HSPA14: variants seen among roughly 807,000 people sequenced by gnomAD.
HSPA14 encodes the protein heat shock protein family A (Hsp70) member 14, also known as heat shock 70 kDa protein 14.
A neutral mutation model predicts 65.5 loss-of-function variants in HSPA14; 37 were observed. That is an observed-to-expected ratio of 0.56 (90% CI 0.43 to 0.74). The LOEUF (loss-of-function observed/expected upper bound fraction) is 0.74, where lower values mean the gene tolerates loss of function less well. Ranked by LOEUF, HSPA14 falls within the 30% of genes least tolerant of loss-of-function variation. The probability of loss-of-function intolerance (pLI) is 0.00; values close to 1 mark genes in which losing one functional copy is unlikely to be tolerated. For synonymous variants in HSPA14, 203 were observed against 214.2 expected (o/e 0.95, Z 0.46); for missense variants, 564 against 607.6 (o/e 0.93, Z 0.75).
intron 9 of HSPA14, among the ~76,000 whole-genome samples, chr10:14,855,574 G>T (rs1236590509): frequency 1.3e-5 from 2 of 152,178 alleles, no homozygotes; most frequent in African/African-American, 4.8e-5. Flanking sequence ...CCATAAGCAA[G>T]ATGGGCTTTC....
chr10:14,867,251 G>T lies in HSPA14; in HGVS notation c.1162G>T (p.Asp388Tyr). The change falls in exon 11 of 14, where the codon GAC becomes TAC. Residue 388 changes from aspartate to tyrosine, a missense_variant. Coordinates refer to ENST00000378372, the MANE Select transcript of HSPA14 (RefSeq NM_016299.4). ...LIGKENLLVE[D>Y]SLMIECSARD... ...TGGGAAAGAAAACCTGTTGGTGGAA[G>T]ACTCTCTTATGATAGAGTGTTCAGC... 6.2e-7 allele frequency: 1 copy of T among 1,613,760 alleles called. No homozygotes were observed. The highest frequency in any genetic ancestry group is 8.5e-7 in the Non-Finnish European group (1 of 1,179,748).
At chr10:14,867,549 A>T (rs536879637) in intron 11 of HSPA14, among the ~76,000 whole-genome samples, 187 bp from the exon 12 acceptor site, 2 of 152,258 alleles carry the variant, frequency 1.3e-5, no homozygotes, top group South Asian at 4.1e-4. Context: ...TCATAAGCTA[A>T]TATAGAGAGA....
Position 14,867,051 on chromosome 10 carries a change from G to C in HSPA14, c.994-32G>C, listed in dbSNP as rs765219361. 7 of 1,499,460 alleles carry C rather than the reference G, an allele frequency of 4.7e-6. No individual in the cohort carries two copies. In the Admixed American group the frequency reaches 1.2e-4, roughly 25 times the overall value. 92.9% of individuals were successfully genotyped at this position (1,499,460 alleles called of 1,614,324 possible). ...TTTGAGACACAGCATTCTTCTAAAA[G>C]TAAACAACTGAAAATTATTTTTATT... On this transcript the variant is annotated intron_variant, in intron 10 of 13. Coordinates refer to ENST00000378372, the MANE Select transcript of HSPA14 (RefSeq NM_016299.4).
chr10:14,847,106 C>T (rs978037545), intron 3 of HSPA14: 27 of 842,172 alleles, frequency 3.2e-5, no homozygotes, highest in Admixed American at 6.2e-5. Context: ...CTGCAGCCCT[C>T]GGAGCTATAT....
At chr10:14,868,929 C>T (rs949041108) in intron 12 of HSPA14, among the ~76,000 whole-genome samples, 1 of 152,128 alleles carries the variant, frequency 6.6e-6, no homozygotes, top group Non-Finnish European at 1.5e-5. Flanking sequence ...TCACTGCAAG[C>T]TCCGCCTCCC....
At chr10:14,869,232 CGTGTGTGTGTGTGT>C (rs68155495) in intron 12 of HSPA14, among the ~76,000 whole-genome samples, 3 of 144,722 alleles carry the variant, frequency 2.1e-5, no homozygotes, top group Non-Finnish European at 4.6e-5. Flanking sequence ...TGTACGTGTA[CGTGTGTGTGTGTGT>C]GTGTGTGTGT....
chr10:14,863,720 C>T (rs1832776897), intron 10 of HSPA14, among the ~76,000 whole-genome samples: 1 of 152,168 alleles, frequency 6.6e-6, no homozygotes, highest in Non-Finnish European at 1.5e-5. Flanking sequence ...CTGCCTCTCT[C>T]ACTCTTACCC....
chr10:14,866,639 G>A (rs978448204), intron 10 of HSPA14, among the ~76,000 whole-genome samples: 1 of 152,058 alleles, frequency 6.6e-6, no homozygotes, highest in African/African-American at 2.4e-5. Flanking sequence ...CCATGGTAAA[G>A]GCAAATAAGT....
rs755118207 is a variant in HSPA14 at position 14,842,908 on chromosome 10, G to A, written c.221+2751G>A. 10 of 1,170,810 alleles carry A rather than the reference G, an allele frequency of 8.5e-6. No individual in the cohort carries two copies. Among genetic ancestry groups the A allele is most frequent in the Non-Finnish European group, 1.2e-5 (10 of 847,138 alleles). 72.5% of individuals were successfully genotyped at this position (1,170,810 alleles called of 1,614,324 possible). ...GTCTTGTGGCTCTAAACATTTAGCT[G>A]TGTCTGTTTGGATAGTGTCCTCTTC... On this transcript the variant is annotated intron_variant, in intron 3 of 13. Coordinates refer to ENST00000378372, the MANE Select transcript of HSPA14 (RefSeq NM_016299.4). This position sits in a 1 kb window ranked among gnomAD's most constrained non-coding sequence, Gnocchi z 5.2.
intron 1 of HSPA14, chr10:14,838,700 G>A (rs1833926136): frequency 2.1e-6 from 1 of 480,696 alleles, no homozygotes; most frequent in Non-Finnish European, 3.7e-6. Flanking sequence ...GGGGTCCCAG[G>A]GCGTCATGGC....
rs778083393 is a variant in HSPA14 at position 14,855,817 on chromosome 10, C to CTG, written c.891-14_891-13dup. On this transcript the variant is annotated intron_variant, in intron 9 of 13. Coordinates refer to ENST00000378372, the MANE Select transcript of HSPA14 (RefSeq NM_016299.4). ...CTCTTGTCCCTGTGTCTGTGTGTTT[C>CTG]TGTGTGTGTGTATGTGTGTACAGAG... is the stretch of plus-strand genomic sequence containing the variant. The CTG allele has an allele frequency of 5.3e-5, 61 of 1,160,614 alleles. 1 individual carries two copies. The highest frequency in any genetic ancestry group is 6.7e-5 in the Non-Finnish European group (52 of 780,766). 71.9% of individuals were successfully genotyped at this position (1,160,614 alleles called of 1,614,324 possible).
chr10:14,838,570 A>G (rs976730530), intron 1 of HSPA14, 111 bp downstream of exon 1: 3 of 1,086,584 alleles, frequency 2.8e-6, no homozygotes, highest in Non-Finnish European at 3.9e-6. Context: ...GATGTCGTGG[A>G]GTGGCGTTGC....
chr10:14,843,722 T>C, intron 3 of HSPA14: 1 of 1,537,790 alleles, frequency 6.5e-7, no homozygotes, highest in Non-Finnish European at 8.7e-7. Flanking sequence ...CTGGACAGGC[T>C]GATTGCTATT....
rs1274181425 is a variant in HSPA14 at position 14,858,273 on chromosome 10, A to C, written c.993+2330A>C. Among the ~76,000 whole-genome samples the C allele has an allele frequency of 3.9e-5, 6 of 152,324 alleles. No individual in the cohort carries two copies. The East Asian group carries it at 7.7e-4, about 20-fold the overall frequency. ...TCCCTTTCTTAACCAACCGGTCATG[A>C]AGCCCCCTCATTTCATTATCTCTCA... On this transcript the variant is annotated intron_variant, in intron 10 of 13. Transcript: ENST00000378372.
chr10:14,838,365 G>A lies in HSPA14; in HGVS notation c.-38G>A, dbSNP rs375015553. The A allele has an allele frequency of 6.4e-6, 10 of 1,573,298 alleles. No individual in the cohort carries two copies. The highest frequency in any genetic ancestry group is 5.4e-5 in the African/African-American group (4 of 74,468). ...CGGCCGGTAGCTGTTGCTGTTGGGG[G>A]ACCCCCTCATTCCTGCCGCTGCCGT... On this transcript the variant is annotated 5_prime_UTR_variant, in exon 1 of 14. Coordinates refer to ENST00000378372, the MANE Select transcript of HSPA14 (RefSeq NM_016299.4).
intron 5 of HSPA14, chr10:14,849,366 T>C: frequency 4.1e-6 from 2 of 485,536 alleles, no homozygotes; most frequent in Non-Finnish European, 8.3e-6. Context: ...AACTTGGGGG[T>C]TGGAAGGCAG....
intron 13 of HSPA14, among the ~76,000 whole-genome samples, chr10:14,871,123 C>A (rs939690585): frequency 6.6e-6 from 1 of 152,194 alleles, no homozygotes; most frequent in African/African-American, 2.4e-5. Flanking sequence ...TAAATCCTTT[C>A]CAAATGAAAC....
intron 12 of HSPA14, 57 bp downstream of exon 12, chr10:14,867,966 T>A: frequency 7.3e-7 from 1 of 1,365,152 alleles, no homozygotes; most frequent in African/African-American, 1.4e-5. Context: ...TGGATTAGAT[T>A]CAGTTTAATA....
At chr10:14,851,146 T>C (rs1443512602) in intron 6 of HSPA14, 73 bp from the exon 7 acceptor site, 2 of 819,002 alleles carry the variant, frequency 2.4e-6, no homozygotes, top group East Asian at 4.9e-5. Context: ...ATAAAATCTT[T>C]AGCAGATCAT....
Sources: allele counts gnomAD v4.1 joint callset (sites outside exome capture counted in the v4.1 genomes callset), GRCh38; gene constraint gnomAD v4.1.1; non-coding constraint Gnocchi (gnomAD v3.1); transcripts MANE v1.5; gene names NCBI Gene and HGNC (gene_info 2026-07-23, HGNC 2026-07-21).